Variants in MACROD2 observed in about 807,000 individuals in gnomAD.
MACROD2 encodes ADP-ribose glycohydrolase MACROD2.
In MACROD2, 36 loss-of-function variants were observed where a neutral mutation model predicts 70.4. The observed-to-expected ratio is 0.51, with a 90% confidence interval of 0.39 to 0.68. The LOEUF (loss-of-function observed/expected upper bound fraction) is 0.68, where lower values mean the gene tolerates loss of function less well. Ranked by LOEUF, MACROD2 falls within the 30% of genes least tolerant of loss-of-function variation. The pLI is 0.00. For synonymous variants in MACROD2, 172 were observed against 178.8 expected (o/e 0.96, Z 0.30); for missense variants, 496 against 538.4 (o/e 0.92, Z 0.78).
At chr20:14,754,991 T>C (rs2071921499) in intron 5 of MACROD2, among the ~76,000 whole-genome samples, 1 of 152,084 alleles carries the variant, frequency 6.6e-6, no homozygotes, top group Admixed American at 6.5e-5. Context: ...AAAAGTAATG[T>C]CAGCTTTGTC....
At chr20:16,040,423 G>T (rs536485886) in intron 15 of MACROD2, among the ~76,000 whole-genome samples, 2 of 151,864 alleles carry the variant, frequency 1.3e-5, no homozygotes, top group South Asian at 4.2e-4. Context: ...TAAAATTATG[G>T]GTTTTCTAGC....
intron 5 of MACROD2, among the ~76,000 whole-genome samples, chr20:15,206,239 T>C (rs1177863357): frequency 6.6e-6 from 1 of 152,192 alleles, no homozygotes; most frequent in Non-Finnish European, 1.5e-5. Context: ...CAAATATGGA[T>C]TCTAAATTTG....
intron 5 of MACROD2, among the ~76,000 whole-genome samples, chr20:14,732,184 G>C (rs1390564331): frequency 1.3e-5 from 2 of 152,144 alleles, no homozygotes; most frequent in Non-Finnish European, 2.9e-5. Flanking sequence ...GAGTTCTTAG[G>C]TATTTTGGAG....
intron 5 of MACROD2, among the ~76,000 whole-genome samples, chr20:15,006,149 G>A (rs952507534): frequency 1.3e-5 from 2 of 149,046 alleles, no homozygotes; most frequent in African/African-American, 2.5e-5. Context: ...ATATGTGTGT[G>A]TGTGTGTGTG....
Position 15,728,737 on chromosome 20 carries a change from T to C in MACROD2, c.646-134008T>C, listed in dbSNP as rs547390739. ...GTTTTTTCTATTTCTGTGTGGTAGGTGGTAATGTCCCCTTTGTCATTTCTG... is the reference window on the plus strand; with the variant it reads ...GTTTTTTCTATTTCTGTGTGGTAGGCGGTAATGTCCCCTTTGTCATTTCTG... On this transcript the variant is annotated intron_variant, in intron 8 of 17. Transcript: ENST00000684519. Among the ~76,000 whole-genome samples the C allele has an allele frequency of 3.3e-5, 5 of 152,286 alleles. No homozygotes were observed. In the South Asian group the frequency reaches 1.0e-3, roughly 32 times the overall value.
At chr20:14,856,383 A>C (rs1170449034) in intron 5 of MACROD2, among the ~76,000 whole-genome samples, 1 of 152,206 alleles carries the variant, frequency 6.6e-6, no homozygotes, top group Non-Finnish European at 1.5e-5. Flanking sequence ...GCATTCAAAA[A>C]AAGGGAGAAA....
At chr20:15,783,811 G>A (rs1355279635) in intron 8 of MACROD2, among the ~76,000 whole-genome samples, 1 of 152,094 alleles carries the variant, frequency 6.6e-6, no homozygotes, top group Admixed American at 6.5e-5. Context: ...CCAGACTGGT[G>A]GAGTTTACCC....
chr20:14,895,815 A>G (rs1219217635), intron 5 of MACROD2, among the ~76,000 whole-genome samples: 10 of 152,184 alleles, frequency 6.6e-5, no homozygotes. Context: ...GATTTTTATA[A>G]TTAAATTTTT....
At chr20:15,031,643 T>C (rs2075275240) in intron 5 of MACROD2, among the ~76,000 whole-genome samples, 1 of 152,162 alleles carries the variant, frequency 6.6e-6, no homozygotes, top group South Asian at 2.1e-4. Context: ...AATGGATAGT[T>C]GATTCCCGCA....
At chr20:15,447,169 A>T (rs1416568261) in intron 7 of MACROD2, among the ~76,000 whole-genome samples, 1 of 151,944 alleles carries the variant, frequency 6.6e-6, no homozygotes, top group Non-Finnish European at 1.5e-5. Context: ...GCCTAGGAAG[A>T]GGTAAAAAAT....
chr20:15,344,464 T>C (rs965012510), intron 6 of MACROD2, among the ~76,000 whole-genome samples: 3 of 152,310 alleles, frequency 2.0e-5, no homozygotes, highest in South Asian at 2.1e-4. Flanking sequence ...TGTTAAAAGA[T>C]GTTAAATAGA....
At chr20:14,468,130 T>C (rs773703582) in intron 3 of MACROD2, among the ~76,000 whole-genome samples, 2 of 152,062 alleles carry the variant, frequency 1.3e-5, no homozygotes, top group Non-Finnish European at 2.9e-5. Context: ...TTAGGTCTGC[T>C]TGGTCCGGAG....
At chr20:15,113,134 A>T (rs2075967868) in intron 5 of MACROD2, among the ~76,000 whole-genome samples, 1 of 152,224 alleles carries the variant, frequency 6.6e-6, no homozygotes, top group Non-Finnish European at 1.5e-5. Flanking sequence ...GTATATGCCC[A>T]GAAGTGGAAT....
intron 5 of MACROD2, among the ~76,000 whole-genome samples, chr20:15,220,780 G>C (rs915590946): frequency 5.3e-5 from 8 of 152,012 alleles, no homozygotes; most frequent in Non-Finnish European, 7.4e-5. Context: ...AATGGGGGGG[G>C]CTCTCCAGAA....
intron 3 of MACROD2, among the ~76,000 whole-genome samples, chr20:14,270,655 G>A (rs1372626603): frequency 9.9e-5 from 15 of 151,100 alleles, no homozygotes; most frequent in Admixed American, 9.9e-4. Context: ...AAGACCAAAT[G>A]TCTTGCATTT....
intron 5 of MACROD2, among the ~76,000 whole-genome samples, chr20:15,199,683 T>C (rs906135965): frequency 1.5e-4 from 23 of 150,490 alleles, no homozygotes; most frequent in African/African-American, 5.4e-4. Flanking sequence ...AATACATTAT[T>C]CATTTGTCAT....
intron 1 of MACROD2, 48 bp from the exon 2 acceptor site, chr20:14,002,240 A>G (rs1416655059): frequency 8.1e-7 from 1 of 1,236,850 alleles, no homozygotes; most frequent in Non-Finnish European, 1.1e-6. Flanking sequence ...AATAATTCCC[A>G]TGTTTAAACG....
chr20:14,844,232 C>G (rs2073116147), intron 5 of MACROD2, among the ~76,000 whole-genome samples: 1 of 151,926 alleles, frequency 6.6e-6, no homozygotes, highest in African/African-American at 2.4e-5. Context: ...GTCTGGGTGG[C>G]AAAGTACTGG....
chr20:15,420,672 C>A (rs190477062), intron 6 of MACROD2, among the ~76,000 whole-genome samples: 4 of 152,268 alleles, frequency 2.6e-5, no homozygotes, highest in Admixed American at 2.0e-4. Context: ...TTAAGAGGAG[C>A]AATTTGGTAG....
Sources: allele counts gnomAD v4.1 joint callset (sites outside exome capture counted in the v4.1 genomes callset), GRCh38; gene constraint gnomAD v4.1.1; transcripts MANE v1.5; gene names NCBI Gene and HGNC (gene_info 2026-07-23, HGNC 2026-07-21).